ARHGAP32: variants seen among roughly 807,000 people sequenced by gnomAD.
The protein encoded by ARHGAP32 is rho GTPase-activating protein 32.
ARHGAP32 carries 51 observed loss-of-function variants against 186.5 expected under a neutral mutation model. The observed-to-expected ratio is 0.27, with a 90% CI of 0.22 to 0.35. The LOEUF is 0.35. ARHGAP32 is among the 10% of genes least tolerant of loss of function. The pLI, the probability that ARHGAP32 is intolerant of heterozygous loss-of-function variation, is 1.00. For synonymous variants in ARHGAP32, 950 were observed against 964.3 expected (o/e 0.99, Z 0.27); for missense variants, 2,186 against 2,623.5 (o/e 0.83, Z 3.64).
At chr11:129,085,921 G>A (rs141750706) in intron 6 of ARHGAP32, among the ~76,000 whole-genome samples, 8,002 of 151,600 alleles carry the variant, frequency 0.053, 328 homozygotes, top group Middle Eastern at 0.082. Flanking sequence ...GTGAACCCGG[G>A]AGGCAGAGCT....
chr11:129,024,275 A>G, intron 11 of ARHGAP32: 1 of 454,294 alleles, frequency 2.2e-6, no homozygotes, highest in Non-Finnish European at 2.9e-6. Flanking sequence ...TCAACCCCAC[A>G]CAGGTGAGCA....
At chr11:129,271,728 T>C (rs944650626) in intron 1 of ARHGAP32, among the ~76,000 whole-genome samples, 20 of 151,990 alleles carry the variant, frequency 1.3e-4, no homozygotes, top group African/African-American at 3.9e-4. Context: ...CAAAAGCATA[T>C]AGAAAATGAG....
chr11:129,129,630 G>A (rs1942765256), intron 2 of ARHGAP32, among the ~76,000 whole-genome samples: 1 of 152,212 alleles, frequency 6.6e-6, no homozygotes, highest in Admixed American at 6.5e-5. Flanking sequence ...AGATCAGATT[G>A]TTACTGTGTC....
chr11:129,039,201 A>G (rs1939489680), intron 11 of ARHGAP32, among the ~76,000 whole-genome samples: 1 of 152,186 alleles, frequency 6.6e-6, no homozygotes, highest in Non-Finnish European at 1.5e-5. Flanking sequence ...CAAAGATTAA[A>G]TATAGTTACC....
intron 6 of ARHGAP32, among the ~76,000 whole-genome samples, chr11:129,084,720 T>C (rs1043169788): frequency 2.0e-5 from 3 of 152,162 alleles, no homozygotes; most frequent in Non-Finnish European, 2.9e-5. Context: ...GTGACAAACT[T>C]GAAACTCTCC....
intron 1 of ARHGAP32, among the ~76,000 whole-genome samples, chr11:129,177,522 G>T (rs564204099): frequency 6.6e-6 from 1 of 152,148 alleles, no homozygotes; most frequent in Non-Finnish European, 1.5e-5. Flanking sequence ...GATGAACATT[G>T]ATGCAAAAAC....
chr11:129,237,223 T>C (rs1379935425), intron 1 of ARHGAP32, among the ~76,000 whole-genome samples: 2 of 152,222 alleles, frequency 1.3e-5, no homozygotes, highest in Non-Finnish European at 2.9e-5. Context: ...TTTTTTGTTC[T>C]TAATATTTTC....
rs1300689584 is a variant in ARHGAP32, at chr11:129,008,353, C to G, written c.1046-9885G>C. Among the ~76,000 whole-genome samples the G allele has an allele frequency of 2.0e-5, 3 of 152,140 alleles. No individual in the cohort carries two copies. In the East Asian group the frequency reaches 5.8e-4, roughly 29 times the overall value. ...GTGAGTGAATCCAAACCTTAACATT[C>G]CTGAACAGATGAAGACTCCTGAGGG... On this transcript the variant is annotated intron_variant, in intron 11 of 22. Transcript: ENST00000682385.
intron 19 of ARHGAP32, among the ~76,000 whole-genome samples, 155 bp downstream of exon 19, chr11:128,978,615 A>G (rs1945619262): frequency 6.6e-6 from 1 of 152,250 alleles, no homozygotes. Context: ...TCTTCAATTT[A>G]GGAATAAAGA....
chr11:129,007,494 G>C (rs1937848413), intron 11 of ARHGAP32, among the ~76,000 whole-genome samples: 1 of 152,034 alleles, frequency 6.6e-6, no homozygotes, highest in South Asian at 2.1e-4. Context: ...CTGGCCCCAG[G>C]TGTATCTAGA....
At chr11:129,001,874 C>T (rs984387228) in intron 11 of ARHGAP32, among the ~76,000 whole-genome samples, 11 of 152,164 alleles carry the variant, frequency 7.2e-5, no homozygotes, top group African/African-American at 2.7e-4. Flanking sequence ...ACTGTTATTT[C>T]CCCAATGTAT....
In ARHGAP32 at chr11:128,970,776, C is replaced by T; in HGVS notation, c.4437G>A (p.Lys1479=). The T allele has an allele frequency of 1.9e-6, 3 of 1,614,122 alleles. No homozygotes were observed. The highest frequency in any genetic ancestry group is 2.2e-5 in the East Asian group (1 of 44,888). ...AGTAAACTGTTTTCTGAGAAGCATG[C>T]TTAGGTTGTGGGACAGGAAGTGGTA... The part of the protein sequence containing the change: ...LPLPLPVPQP[K]HASQKTVYSS... Residue 1479 remains lysine, a synonymous_variant, in exon 23 of 23, where the codon AAG becomes AAA. Transcript: ENST00000682385. This position sits in a 1 kb window ranked among gnomAD's most constrained non-coding sequence, Gnocchi z 5.8.
chr11:129,229,008 T>C (rs1002239482), intron 1 of ARHGAP32, among the ~76,000 whole-genome samples: 1 of 152,206 alleles, frequency 6.6e-6, no homozygotes, highest in Non-Finnish European at 1.5e-5. Flanking sequence ...TTACATCACT[T>C]ACCCTAGGAC....
intron 2 of ARHGAP32, among the ~76,000 whole-genome samples, chr11:129,155,383 G>A (rs12290746): frequency 0.019 from 2,924 of 152,214 alleles, 50 homozygotes; most frequent in African/African-American, 0.041. Context: ...CTATTATTTT[G>A]TTATCAAATT....
rs1354971625 is a variant in ARHGAP32, at chr11:128,974,829, G to A, written c.2368C>T (p.His790Tyr). 2.5e-6 allele frequency: 4 copies of A among 1,614,014 alleles called. No individual in the cohort carries two copies. Residue 790 changes from histidine to tyrosine, a missense_variant, in exon 21 of 23, where the codon CAT (histidine) becomes TAT (tyrosine). His to Tyr is a moderately conservative substitution (Grantham distance 83). Around this residue, in one of 5 missense-constraint regions of ARHGAP32, gnomAD observed 263 missense variants for 323.5 expected, o/e 0.81. Coordinates refer to ENST00000682385, the MANE Select transcript of ARHGAP32 (RefSeq NM_001378024.1). ...CTCAAGTCAACATCCTCAGCTGAAT[G>A]AGGAGACATAAGGGCTGGGATATGA... Reference protein sequence around the residue: ...LLHIPALMSPHSAEDVDLSPP... With the variant: ...LLHIPALMSPYSAEDVDLSPP...
intron 1 of ARHGAP32, among the ~76,000 whole-genome samples, chr11:129,262,715 A>T (rs537845715): frequency 1.3e-5 from 2 of 152,122 alleles, no homozygotes; most frequent in South Asian, 4.1e-4. Flanking sequence ...CTATTTTAAA[A>T]CCATTTCAAA....
chr11:129,060,382 T>TAGATAGATAGATA (rs756196427), intron 10 of ARHGAP32, among the ~76,000 whole-genome samples: 1 of 143,886 alleles, frequency 6.9e-6, no homozygotes, highest in African/African-American at 2.6e-5. Flanking sequence ...GATAGATAGA[T>TAGATAGATAGATA]AAGATAGACA....
At chr11:129,234,109 AT>A (rs987210347) in intron 1 of ARHGAP32, among the ~76,000 whole-genome samples, 3 of 152,088 alleles carry the variant, frequency 2.0e-5, no homozygotes, top group Non-Finnish European at 4.4e-5. Context: ...ATATCTCAAA[AT>A]TTTTTTAAAA....
At chr11:129,067,652 T>C (rs1459484214) in intron 6 of ARHGAP32, among the ~76,000 whole-genome samples, 1 of 152,026 alleles carries the variant, frequency 6.6e-6, no homozygotes, top group Non-Finnish European at 1.5e-5. Context: ...GCTCCTGTGG[T>C]GAGTAATGAT....
Sources: gnomAD v4.1 joint callset for allele counts (sites outside exome capture counted in the v4.1 genomes callset) on GRCh38, gnomAD v4.1.1 for gene constraint, gnomAD v4.1.1 regional missense constraint, Gnocchi (gnomAD v3.1) non-coding constraint, MANE v1.5 for transcripts, NCBI Gene and HGNC (gene_info 2026-07-23, HGNC 2026-07-21) for gene names.